Variants in MPP7 observed in about 807,000 individuals in gnomAD.
MPP7 encodes the protein MAGUK p55 subfamily member 7.
In MPP7, 60 loss-of-function variants were observed where a neutral mutation model predicts 76.5. The observed-to-expected ratio is 0.78, with a 90% CI of 0.64 to 0.97. The LOEUF is 0.97. MPP7 is among the 50% of genes least tolerant of loss of function. MPP7 has a pLI of 0.00. For missense variants in MPP7, 641 were observed against 694.0 expected (o/e 0.92, Z 0.86); for synonymous variants, 237 against 244.5 (o/e 0.97, Z 0.29).
At chr10:28,071,943 T>C (rs1173279451) in intron 12 of MPP7, among the ~76,000 whole-genome samples, 1 of 151,976 alleles carries the variant, frequency 6.6e-6, no homozygotes, top group East Asian at 1.9e-4. Context: ...GCTATCGAAG[T>C]GAAGAAAACA....
chr10:28,088,131 T>C (rs1853109057), intron 12 of MPP7, among the ~76,000 whole-genome samples: 1 of 152,170 alleles, frequency 6.6e-6, no homozygotes, highest in Admixed American at 6.5e-5. Flanking sequence ...TCACCCACCA[T>C]TTCTCAATGA....
At chr10:28,077,826 A>C (rs1852569586) in intron 12 of MPP7, among the ~76,000 whole-genome samples, 1 of 152,248 alleles carries the variant, frequency 6.6e-6, no homozygotes, top group African/African-American at 2.4e-5. Flanking sequence ...AACAGAATCT[A>C]AACAGCCCAT....
Position 28,056,476 on chromosome 10 carries a change from T to C in MPP7, c.1551+4A>G. The stretch of plus-strand genomic sequence containing the variant: ...ACCTGGCCCCCAAGCATCATTATAC[T>C]TACTGTGAAGGGTTTTGCAGCACCT... On this transcript the variant is annotated splice_donor_region_variant and intron_variant, in intron 16 of 16. Transcript: ENST00000683449. 6.2e-7 allele frequency: 1 copy of C among 1,611,318 alleles called. No homozygotes were observed. Among genetic ancestry groups the C allele is most frequent in the Non-Finnish European group, 8.5e-7 (1 of 1,179,330 alleles).
chr10:28,151,899 G>A (rs1835895493), intron 3 of MPP7, among the ~76,000 whole-genome samples: 1 of 152,102 alleles, frequency 6.6e-6, no homozygotes, highest in Non-Finnish European at 1.5e-5. Context: ...CCAGTTTGTA[G>A]GGCATAGAAA....
intron 6 of MPP7, among the ~76,000 whole-genome samples, chr10:28,126,658 T>C (rs1835026652): frequency 6.6e-6 from 1 of 152,230 alleles, no homozygotes; most frequent in Admixed American, 6.5e-5. Context: ...TTCATTACTC[T>C]TGGGGGAGAT....
intron 3 of MPP7, among the ~76,000 whole-genome samples, chr10:28,198,994 T>G (rs576070185): frequency 6.6e-6 from 1 of 152,260 alleles, no homozygotes; most frequent in South Asian, 2.1e-4. Flanking sequence ...AAAAAGAGAT[T>G]TAATGGACTC....
At chr10:28,129,080 C>A (rs1368550485) in intron 6 of MPP7, among the ~76,000 whole-genome samples, 1 of 152,136 alleles carries the variant, frequency 6.6e-6, no homozygotes, top group African/African-American at 2.4e-5. Context: ...ACTTTGAACC[C>A]TTCATTCTTG....
At chr10:28,164,532 T>A (rs561653696) in intron 3 of MPP7, among the ~76,000 whole-genome samples, 1 of 152,034 alleles carries the variant, frequency 6.6e-6, no homozygotes, top group Admixed American at 6.6e-5. Context: ...ATTAAAAAAG[T>A]GTGGGTAAGC....
At chr10:28,193,220 T>G (rs553056995) in intron 3 of MPP7, among the ~76,000 whole-genome samples, 4 of 151,026 alleles carry the variant, frequency 2.6e-5, no homozygotes, top group South Asian at 2.1e-4. Flanking sequence ...TTTTTGTTTT[T>G]TTTTTTTTTT....
intron 3 of MPP7, among the ~76,000 whole-genome samples, chr10:28,182,138 C>T (rs1332708576): frequency 6.6e-6 from 1 of 151,416 alleles, no homozygotes; most frequent in East Asian, 1.9e-4. Context: ...TCAGAATGTA[C>T]AAAATAATTC....
At chr10:28,187,981 T>A (rs1233604423) in intron 3 of MPP7, among the ~76,000 whole-genome samples, 1 of 152,208 alleles carries the variant, frequency 6.6e-6, no homozygotes, top group Non-Finnish European at 1.5e-5. Context: ...GTTTTTCACT[T>A]TCTGAAATTT....
At position 28,101,329 on chromosome 10, in the gene MPP7, A is replaced by G. The variant is rs111536351; in HGVS notation, c.953-11488T>C. On this transcript the variant is annotated intron_variant, in intron 11 of 16. Coordinates refer to ENST00000683449, the MANE Select transcript of MPP7 (RefSeq NM_001318170.2). Reference sequence around the variant, plus strand: ...TTGCATGACATTCTTTAATAAAATGATTGAATATTGAATAAATGGAATATT... The same window carrying G: ...TTGCATGACATTCTTTAATAAAATGGTTGAATATTGAATAAATGGAATATT... 7.2e-3 allele frequency among the ~76,000 whole-genome samples: 1,093 copies of G among 152,278 alleles called. 13 individuals carry two copies. The highest frequency in any genetic ancestry group is 0.025 in the African/African-American group (1,040 of 41,572).
intron 3 of MPP7, among the ~76,000 whole-genome samples, chr10:28,172,388 A>G (rs1836713132): frequency 6.6e-6 from 1 of 152,224 alleles, no homozygotes. Flanking sequence ...GGAAGGTTAA[A>G]CAGCTCCACG....
chr10:28,094,291 GCAGTGAGGTCGC>G (rs1432469027), intron 11 of MPP7, among the ~76,000 whole-genome samples: 1 of 152,110 alleles, frequency 6.6e-6, no homozygotes, highest in African/African-American at 2.4e-5. Flanking sequence ...AGGAGCAAAG[GCAGTGAGGTCGC>G]AACAGGGGTT....
chr10:28,095,653 A>G (rs956337119), intron 11 of MPP7, among the ~76,000 whole-genome samples: 11 of 152,162 alleles, frequency 7.2e-5, no homozygotes, highest in Admixed American at 4.6e-4. Context: ...GTGACCTTAA[A>G]CTGAAAGTAC....
At chr10:28,297,718 A>G (rs1034455411) in intron 1 of MPP7, among the ~76,000 whole-genome samples, 3 of 152,178 alleles carry the variant, frequency 2.0e-5, no homozygotes, top group African/African-American at 7.2e-5. Context: ...AAAAAAATGA[A>G]GTTTGCCACA....
chr10:28,143,098 T>C (rs1835578562), intron 5 of MPP7, among the ~76,000 whole-genome samples: 3 of 151,272 alleles, frequency 2.0e-5, no homozygotes, highest in African/African-American at 7.3e-5. Context: ...GCCAAAAATA[T>C]TAAAAGAAAA....
intron 2 of MPP7, among the ~76,000 whole-genome samples, chr10:28,320,662 G>A (rs1048789648): frequency 6.6e-6 from 1 of 151,986 alleles, no homozygotes; most frequent in Non-Finnish European, 1.5e-5. Context: ...AATTTTGCTT[G>A]ACATAACTCT....
intron 2 of MPP7, among the ~76,000 whole-genome samples, chr10:28,310,120 G>A (rs1245713744): frequency 6.7e-6 from 1 of 149,568 alleles, no homozygotes; most frequent in East Asian, 2.0e-4. Flanking sequence ...TCCTACCTCA[G>A]CCTCCCAAGT....
Sources: allele counts gnomAD v4.1 joint callset (sites outside exome capture counted in the v4.1 genomes callset), GRCh38; gene constraint gnomAD v4.1.1; transcripts MANE v1.5; gene names NCBI Gene and HGNC (gene_info 2026-07-23, HGNC 2026-07-21).